The following CLUAP1 variants were observed in gnomAD, a reference collection of about 807,000 sequenced individuals.
CLUAP1 encodes the protein clusterin-associated protein 1.
CLUAP1 carries 50 observed loss-of-function variants against 55.0 expected under a neutral mutation model. The ratio of observed to expected loss-of-function variants is 0.91; its 90% CI spans 0.72 to 1.15. CLUAP1 has a LOEUF of 1.15. CLUAP1 is among the 50% of genes most tolerant of loss of function. The pLI, the probability that CLUAP1 is intolerant of heterozygous loss-of-function variation, is 0.00. For missense variants in CLUAP1, 530 were observed against 507.6 expected (o/e 1.04, Z -0.42); for synonymous variants, 195 against 175.4 (o/e 1.11, Z -0.88).
At chr16:3,517,329 C>G (rs1280400944) in intron 6 of CLUAP1, among the ~76,000 whole-genome samples, 1 of 151,908 alleles carries the variant, frequency 6.6e-6, no homozygotes, top group African/African-American at 2.4e-5. Context: ...TTTTTTTAGA[C>G]GAAGTCTTGC....
At chr16:3,514,021 GT>G (rs1262407352) in intron 5 of CLUAP1, among the ~76,000 whole-genome samples, 2 of 152,200 alleles carry the variant, frequency 1.3e-5, no homozygotes, top group Admixed American at 1.3e-4. Context: ...CTGATGAAGT[GT>G]GGTTGGCAGA....
At chr16:3,496,130 G>T, upstream of CLUAP1, 1 of 384,762 alleles carries the variant, frequency 2.6e-6, no homozygotes, top group South Asian at 2.1e-5. Context: ...TGCAGAGCGA[G>T]ACTCCGTCTC....
intron 6 of CLUAP1, among the ~76,000 whole-genome samples, chr16:3,516,596 A>G (rs1490580208): frequency 6.6e-6 from 1 of 152,230 alleles, no homozygotes; most frequent in Non-Finnish European, 1.5e-5. Context: ...GGTGAACTTG[A>G]AATTGGAGGT....
chr16:3,497,904 G>A (rs1039632350), upstream of CLUAP1, among the ~76,000 whole-genome samples: 1 of 152,074 alleles, frequency 6.6e-6, no homozygotes, highest in East Asian at 1.9e-4. Flanking sequence ...TGATCCTCCT[G>A]CCTCCACCTC....
chr16:3,498,473 G>A (rs1211090289), upstream of CLUAP1, among the ~76,000 whole-genome samples: 1 of 152,104 alleles, frequency 6.6e-6, no homozygotes, highest in Non-Finnish European at 1.5e-5. Flanking sequence ...TTACAAGGGA[G>A]CCCAAATAAC....
intron 11 of CLUAP1, chr16:3,534,855 C>T (rs1249932102): frequency 2.0e-5 from 3 of 152,110 alleles, no homozygotes; most frequent in African/African-American, 7.3e-5. Flanking sequence ...GTTGAGTAGC[C>T]AGGTGGAATT....
upstream of CLUAP1, among the ~76,000 whole-genome samples, chr16:3,498,828 TCCA>T (rs1310411500): frequency 6.6e-6 from 1 of 151,770 alleles, no homozygotes; most frequent in Non-Finnish European, 1.5e-5. Context: ...CCACTGGCAC[TCCA>T]GACTGGGTAA....
At chr16:3,502,905 T>A (rs1362220824) in intron 1 of CLUAP1, among the ~76,000 whole-genome samples, 1 of 152,228 alleles carries the variant, frequency 6.6e-6, no homozygotes, top group Non-Finnish European at 1.5e-5. Flanking sequence ...CACCGCAGCA[T>A]TAACAGAACT....
At chr16:3,532,037 C>G (rs2038131224) in intron 10 of CLUAP1, among the ~76,000 whole-genome samples, 1 of 152,100 alleles carries the variant, frequency 6.6e-6, no homozygotes, top group African/African-American at 2.4e-5. Flanking sequence ...CGGGGTTTCA[C>G]CATGTTGGCC....
At chr16:3,512,955 C>G (rs552599398) in intron 5 of CLUAP1, among the ~76,000 whole-genome samples, 1 of 152,194 alleles carries the variant, frequency 6.6e-6, no homozygotes, top group Non-Finnish European at 1.5e-5. Context: ...GCTGGGATTA[C>G]CGGTGTGAGC....
intron 4 of CLUAP1, among the ~76,000 whole-genome samples, chr16:3,511,185 C>G (rs746939900): frequency 6.6e-6 from 1 of 152,176 alleles, no homozygotes; most frequent in African/African-American, 2.4e-5. Flanking sequence ...AAGCCATCAG[C>G]TGCAAATGAA....
chr16:3,496,489 T>C, upstream of CLUAP1: 2 of 696,328 alleles, frequency 2.9e-6, no homozygotes, highest in South Asian at 1.4e-5. Flanking sequence ...GTTCAGGAGG[T>C]GCCCAAACTT....
chr16:3,532,648 C>A, intron 10 of CLUAP1, 138 bp from the exon 11 acceptor site: 1 of 803,970 alleles, frequency 1.2e-6, no homozygotes, highest in Non-Finnish European at 2.0e-6. Flanking sequence ...AAACTCCTGG[C>A]CTCCTGTCTC....
chr16:3,496,597 C>G (rs2037313920), upstream of CLUAP1: 5 of 532,764 alleles, frequency 9.4e-6, no homozygotes, highest in Non-Finnish European at 1.5e-5. Context: ...TGGACTCCCT[C>G]AAGGACGGCG....
At chr16:3,507,680 T>TTTTGTGTG (rs1555492720) in intron 3 of CLUAP1, among the ~76,000 whole-genome samples, 3 of 142,988 alleles carry the variant, frequency 2.1e-5, no homozygotes, top group African/African-American at 7.9e-5. Context: ...CTTCCAGAGT[T>TTTTGTGTG]TGTGTGTGTG....
In CLUAP1 at chr16:3,526,394, G is replaced by A. The variant is rs372464630; in HGVS notation, c.856-18G>A. Reference sequence around the variant, plus strand: ...GAAAAGGGCCATCTCTCCTGAGTCTGTATTTCCTCTTCCACAGGAAGCTAA... The same window carrying A: ...GAAAAGGGCCATCTCTCCTGAGTCTATATTTCCTCTTCCACAGGAAGCTAA... On this transcript the variant is annotated intron_variant, in intron 8 of 11. Transcript: ENST00000576634. 40 of 1,578,940 alleles carry A rather than the reference G, an allele frequency of 2.5e-5. No homozygotes were observed. The highest frequency in any genetic ancestry group is 3.4e-5 in the Non-Finnish European group (39 of 1,162,848).
chr16:3,529,151 T>G (rs1276009936), intron 9 of CLUAP1, among the ~76,000 whole-genome samples: 2 of 151,812 alleles, frequency 1.3e-5, no homozygotes, highest in African/African-American at 2.4e-5. Flanking sequence ...CCCATATACT[T>G]TAAGTCATCT....
At chr16:3,508,246 T>C in intron 3 of CLUAP1, 43 bp from the exon 4 acceptor site, 1 of 1,552,644 alleles carries the variant, frequency 6.4e-7, no homozygotes, top group Non-Finnish European at 8.7e-7. Context: ...AGACATTACA[T>C]GGAAAGGGCC....
chr16:3,512,599 T>A, intron 5 of CLUAP1, 121 bp downstream of exon 5: 1 of 705,470 alleles, frequency 1.4e-6, no homozygotes, highest in Non-Finnish European at 2.4e-6. Flanking sequence ...TGAGCTAATG[T>A]GTGGAAAGGT....
Sources: allele counts gnomAD v4.1 joint callset (sites outside exome capture counted in the v4.1 genomes callset), GRCh38; gene constraint gnomAD v4.1.1; transcripts MANE v1.5; gene names NCBI Gene and HGNC (gene_info 2026-07-23, HGNC 2026-07-21).